ADGRD2: variants seen among roughly 807,000 people sequenced by gnomAD.
ADGRD2 encodes adhesion G protein-coupled receptor D2, also known as G protein-coupled receptor PGR24.
ADGRD2 carries 71 observed loss-of-function variants against 44.4 expected under a neutral mutation model. The observed-to-expected ratio is 1.60, with a 90% CI of 1.32 to 1.95. The LOEUF is 1.95. ADGRD2 is among the 30% of genes most tolerant of loss of function. ADGRD2 has a pLI of 0.00. For missense variants in ADGRD2, 1,039 were observed against 512.4 expected (o/e 2.03, Z -9.92); for synonymous variants, 481 against 224.8 (o/e 2.14, Z -10.19).
chr9:124,478,532 A>G (rs1832090072), exon 22 of ADGRD2: 1 of 152,498 alleles, frequency 6.6e-6, no homozygotes, highest in South Asian at 2.1e-4. Flanking sequence ...CCATGCTCCG[A>G]AGTTCCAACG....
chr9:124,462,328 C>G (rs1033416434), intron 10 of ADGRD2, among the ~76,000 whole-genome samples: 1 of 152,180 alleles, frequency 6.6e-6, no homozygotes, highest in Non-Finnish European at 1.5e-5. Flanking sequence ...CTTAGCCTCC[C>G]AAAGTGCTGG....
intron 17 of ADGRD2, among the ~76,000 whole-genome samples, chr9:124,472,477 TTTG>T (rs1282649432): frequency 9.0e-6 from 1 of 110,738 alleles, no homozygotes; most frequent in Non-Finnish European, 1.8e-5. Context: ...GTTTTTTGTT[TTTG>T]TTTTGTTTTT....
Position 124,466,395 on chromosome 9 carries a change from G to C in ADGRD2, c.2010G>C (p.Leu670=), listed in dbSNP as rs756868474. 9 of 716,292 alleles carry C rather than the reference G, an allele frequency of 1.3e-5. No homozygotes were observed. The East Asian group carries it at 2.4e-4, about 19-fold the overall frequency. 44.4% of individuals were successfully genotyped at this position (716,292 alleles called of 1,614,324 possible). Residue 670 remains leucine, a synonymous_variant, in exon 11 of 22, where the codon CTG becomes CTC. Transcript: ENST00000334810. ...ACAGCACCAGCTTTGCCATCCTGCT[G>C]CAAATCTATGAAGTACAGGTGAGTG...
chr9:124,452,236 A>C (rs945614671), intron 1 of ADGRD2, 82 bp downstream of exon 4: 1 of 648,738 alleles, frequency 1.5e-6, no homozygotes, highest in East Asian at 2.7e-5. Context: ...ACTGGCCTAG[A>C]ATGCAAAGGA....
intron 17 of ADGRD2, 102 bp downstream of exon 20, chr9:124,470,716 T>C: frequency 5.0e-6 from 3 of 596,980 alleles, no homozygotes; most frequent in African/African-American, 1.8e-5. Context: ...CTCTCCATCA[T>C]GGGAGACATT....
chr9:124,450,601 C>T (rs914906835), upstream of ADGRD2, among the ~76,000 whole-genome samples: 1 of 152,210 alleles, frequency 6.6e-6, no homozygotes, highest in African/African-American at 2.4e-5. Context: ...GGAGGAGGGA[C>T]GCGCAGTGGT....
At chr9:124,453,504 C>T in exon 3 of ADGRD2, 1 of 701,522 alleles carries the variant, frequency 1.4e-6, no homozygotes, top group Non-Finnish European at 2.6e-6. Context: ...ACGCCCTCAG[C>T]GGCAACCTCA....
At chr9:124,464,890 G>A (rs1262147977) in intron 10 of ADGRD2, among the ~76,000 whole-genome samples, 1 of 152,092 alleles carries the variant, frequency 6.6e-6, no homozygotes, top group East Asian at 1.9e-4. Flanking sequence ...CCAATGTTGT[G>A]AATTCTTCCT....
At chr9:124,457,642 G>A in intron 8 of ADGRD2, 36 bp downstream of exon 11, 1 of 572,806 alleles carries the variant, frequency 1.7e-6, no homozygotes. Context: ...GAGCCCTGTT[G>A]GGTTCTGGGT....
chr9:124,452,310 T>C (rs1831493838), intron 1 of ADGRD2, 156 bp downstream of exon 4: 1 of 636,254 alleles, frequency 1.6e-6, no homozygotes, highest in African/African-American at 1.8e-5. Flanking sequence ...GCTTCACTGG[T>C]TTCCGTCTCA....
In ADGRD2 at chr9:124,453,506, GC is replaced by G; in HGVS notation, c.754del (p.Asn253ThrfsTer12). ...TTCTCGGTGCGTCACGCCCTCAGCG[GC>G]AACCTCACCGACTTCCACCTGTGGG... On this transcript the variant is annotated frameshift_variant, in exon 3 of 22. Transcript: ENST00000334810. LOFTEE classifies it high-confidence loss of function. 1 of 701,590 alleles carries G rather than the reference GC, an allele frequency of 1.4e-6. No individual in the cohort carries two copies. The allele number at this position is 701,590 out of a possible 1,614,324, so 43.5% of individuals were successfully genotyped here.
chr9:124,475,968 GTCAC>G (rs915491553), intron 19 of ADGRD2, among the ~76,000 whole-genome samples: 67 of 152,322 alleles, frequency 4.4e-4, no homozygotes, highest in African/African-American at 1.5e-3. Flanking sequence ...GCAATGTCCT[GTCAC>G]TCATTCCCCA....
intron 10 of ADGRD2, among the ~76,000 whole-genome samples, chr9:124,462,739 T>C (rs1831744412): frequency 6.6e-6 from 1 of 152,242 alleles, no homozygotes; most frequent in South Asian, 2.1e-4. Context: ...TATACAATGA[T>C]ATTATATTCT....
chr9:124,450,561 G>T (rs1030017087), upstream of ADGRD2, among the ~76,000 whole-genome samples: 1 of 152,264 alleles, frequency 6.6e-6, no homozygotes, highest in African/African-American at 2.4e-5. Context: ...TGAAGGGGAG[G>T]CCCCTGACTC....
rs1020784106 is a variant in ADGRD2, at chr9:124,454,627, C to T, written c.1108+58C>T. 18 of 694,022 alleles carry T rather than the reference C, an allele frequency of 2.6e-5. No homozygotes were observed. Among genetic ancestry groups the T allele is most frequent in the Non-Finnish European group, 4.0e-5 (15 of 370,636 alleles). The allele number at this position is 694,022 out of a possible 1,614,324, so 43.0% of individuals were successfully genotyped here. The stretch of plus-strand genomic sequence containing the variant: ...GGGCTCCATGGGTCACCTCGCTGCA[C>T]CTCAGTTTCCTCCCTTGTAAAGGGG... On this transcript the variant is annotated intron_variant, in intron 5 of 21. Coordinates refer to ENST00000334810, the Ensembl canonical transcript of ADGRD2. This position sits in a 1 kb window ranked among gnomAD's most constrained non-coding sequence, Gnocchi z 4.5.
intron 10 of ADGRD2, among the ~76,000 whole-genome samples, chr9:124,460,287 C>A (rs1831703505): frequency 6.6e-6 from 1 of 151,136 alleles, no homozygotes; most frequent in South Asian, 2.1e-4. Context: ...ACTGCAACCT[C>A]CGCCCCCCGG....
At chr9:124,457,050 A>G (rs958791106) in intron 7 of ADGRD2, among the ~76,000 whole-genome samples, 1 of 152,218 alleles carries the variant, frequency 6.6e-6, no homozygotes, top group African/African-American at 2.4e-5. Flanking sequence ...TGGTAATTAC[A>G]TAATGGAATT....
chr9:124,452,392 G>T, intron 1 of ADGRD2, 118 bp from the exon 5 acceptor site: 1 of 686,780 alleles, frequency 1.5e-6, no homozygotes. Flanking sequence ...AGACATGGGC[G>T]GGTTCAGCCC....
At chr9:124,469,376 G>A (rs1831899094) in intron 15 of ADGRD2, 21 bp downstream of exon 18, 2 of 718,216 alleles carry the variant, frequency 2.8e-6, no homozygotes, top group South Asian at 3.0e-5. Flanking sequence ...GACCTGCAGG[G>A]GAGGGGCGTG....
Sources: allele counts gnomAD v4.1 joint callset (sites outside exome capture counted in the v4.1 genomes callset), GRCh38; gene constraint gnomAD v4.1.1; non-coding constraint Gnocchi (gnomAD v3.1); transcripts MANE v1.5; gene names NCBI Gene and HGNC (gene_info 2026-07-23, HGNC 2026-07-21).